Variants in ARPC4 observed in about 807,000 individuals in gnomAD.
ARPC4 encodes the protein actin related protein 2/3 complex subunit 4.
Under a neutral mutation model 22.8 loss-of-function variants are expected in ARPC4, and 3 were observed. That is an observed-to-expected ratio of 0.13 (90% CI 0.06 to 0.34). ARPC4 has a LOEUF of 0.34. Ranked by LOEUF, ARPC4 falls within the 10% of genes least tolerant of loss-of-function variation. ARPC4 has a pLI of 1.00. For synonymous variants in ARPC4, 80 were observed against 72.5 expected (o/e 1.10, Z -0.52); for missense variants, 98 against 211.0 (o/e 0.46, Z 3.32).
chr3:9,802,975 C>A lies in ARPC4; in HGVS notation c.331-868C>A, dbSNP rs1017639745. Among the ~76,000 whole-genome samples the A allele has an allele frequency of 6.6e-5, 10 of 151,940 alleles. No homozygotes were observed. In the East Asian group the frequency reaches 1.9e-3, roughly 29 times the overall value. ...CTGGGCTCACTGCAAGCTCCGCCTC[C>A]TGGGTTCACGCCATTCTTCTGCCTC... On this transcript the variant is annotated intron_variant, in intron 4 of 5. Coordinates refer to ENST00000397261, the MANE Select transcript of ARPC4 (RefSeq NM_005718.5).
Position 9,804,629 on chromosome 3 carries a change from T to C in ARPC4, c.501+616T>C, listed in dbSNP as rs9811062. Among the ~76,000 whole-genome samples, 904 of 152,308 alleles carry C rather than the reference T, an allele frequency of 5.9e-3. 10 individuals are homozygous for C. The highest frequency in any genetic ancestry group is 0.02 in the African/African-American group (845 of 41,556). ...GATATTCAGAACATGCCTTTTTTTTTCTCCTTTTTCCAAGCAATCTTTGGT... is the reference window on the plus strand; with the variant it reads ...GATATTCAGAACATGCCTTTTTTTTCCTCCTTTTTCCAAGCAATCTTTGGT... On this transcript the variant is annotated intron_variant, in intron 5 of 5. Coordinates refer to ENST00000397261, the MANE Select transcript of ARPC4 (RefSeq NM_005718.5).
chr3:9,792,640 G>C, upstream of ARPC4: 9 of 1,231,168 alleles, frequency 7.3e-6, no homozygotes, highest in Non-Finnish European at 9.1e-6. Flanking sequence ...CCCGGGGCGG[G>C]AGGCGGAGCT....
At chr3:9,796,394 CA>C (rs899346482) in intron 1 of ARPC4, among the ~76,000 whole-genome samples, 1 of 152,066 alleles carries the variant, frequency 6.6e-6, no homozygotes, top group African/African-American at 2.4e-5. Context: ...GACTCCCTCT[CA>C]AAAATAAATA....
chr3:9,798,120 CTTT>C (rs397964258), intron 2 of ARPC4: 25 of 115,770 alleles, frequency 2.2e-4, no homozygotes, highest in South Asian at 5.1e-4. Flanking sequence ...CCATACTTTT[CTTT>C]TTTTTTTTTT....
intron 2 of ARPC4, among the ~76,000 whole-genome samples, chr3:9,798,329 A>G (rs1307592314): frequency 6.6e-6 from 1 of 152,018 alleles, no homozygotes; most frequent in African/African-American, 2.4e-5. Flanking sequence ...CACCCCTGTA[A>G]TCCGAGCACT....
chr3:9,801,961 C>A (rs932231915), intron 4 of ARPC4, among the ~76,000 whole-genome samples: 6 of 152,056 alleles, frequency 3.9e-5, no homozygotes, highest in Non-Finnish European at 8.8e-5. Flanking sequence ...CAAAAAAGAG[C>A]CGGGCGTGGT....
chr3:9,797,701 T>C lies in ARPC4; in HGVS notation c.46T>C (p.Leu16=), dbSNP rs543555079. ...CTACCTGAGTGCCGTGCGGGCCACA[T>C]TGCAGGCTGCCCTCTGCCTGGAGAA... ...RPYLSAVRAT[L]QAALCLENFS... The change falls in exon 2 of 6, where the codon TTG becomes CTG. Residue 16 remains leucine, a synonymous_variant. Coordinates refer to ENST00000397261, the MANE Select transcript of ARPC4 (RefSeq NM_005718.5). The C allele has an allele frequency of 1.9e-6, 3 of 1,614,158 alleles. No individual in the cohort carries two copies. The highest frequency in any genetic ancestry group is 2.7e-5 in the African/African-American group (2 of 75,048).
chr3:9,800,387 T>C, intron 3 of ARPC4, 91 bp downstream of exon 3: 3 of 1,231,618 alleles, frequency 2.4e-6, no homozygotes, highest in Non-Finnish European at 3.5e-6. Context: ...GAGATCAGTG[T>C]GCCAGATTCC....
chr3:9,793,277 G>T, intron 1 of ARPC4, 153 bp downstream of exon 1: 1 of 1,373,184 alleles, frequency 7.3e-7, no homozygotes, highest in South Asian at 1.5e-5. Flanking sequence ...GAGACGGGGC[G>T]GGGGCCCGAG....
At chr3:9,804,582 T>G (rs2079071960) in intron 5 of ARPC4, among the ~76,000 whole-genome samples, 1 of 152,234 alleles carries the variant, frequency 6.6e-6, no homozygotes, top group South Asian at 2.1e-4. Flanking sequence ...GATGAACTGG[T>G]GACATCGTTC....
At chr3:9,792,944 A>T, upstream of ARPC4, 1 of 1,412,220 alleles carries the variant, frequency 7.1e-7, no homozygotes, top group East Asian at 2.8e-5. Context: ...AGACAGCCCT[A>T]GGTGGAAAAC....
At chr3:9,793,276 C>G in intron 1 of ARPC4, 152 bp downstream of exon 1, 6 of 1,285,788 alleles carry the variant, frequency 4.7e-6, no homozygotes, top group Non-Finnish European at 6.2e-6. Context: ...AGAGACGGGG[C>G]GGGGGCCCGA....
At position 9,797,763 on chromosome 3, in the gene ARPC4, G is replaced by A. The variant is rs772403299; in HGVS notation, c.108G>A (p.Pro36=). 38 of 1,613,812 alleles carry A rather than the reference G, an allele frequency of 2.4e-5. No individual in the cohort carries two copies. The highest frequency in any genetic ancestry group is 3.1e-5 in the Non-Finnish European group (36 of 1,179,992). The part of the protein sequence containing the change: ...SSQVVERHNK[P]EVEVRSSKEL... Reference sequence around the variant, plus strand: ...AGGTTGTGGAACGACACAACAAGCCGGAAGTGGAAGTCAGGTAGGGAAGGA... The same window carrying A: ...AGGTTGTGGAACGACACAACAAGCCAGAAGTGGAAGTCAGGTAGGGAAGGA... The change falls in exon 2 of 6, where the codon CCG becomes CCA. Residue 36 remains proline (P), a synonymous_variant. Coordinates refer to ENST00000397261, the MANE Select transcript of ARPC4 (RefSeq NM_005718.5).
intron 1 of ARPC4, among the ~76,000 whole-genome samples, chr3:9,794,848 TG>T (rs750655158): frequency 5.2e-4 from 79 of 152,290 alleles, no homozygotes; most frequent in Non-Finnish European, 9.3e-4. Flanking sequence ...CAGATTGTCA[TG>T]TAAATGGAAT....
At chr3:9,797,819 C>T (rs766093610) in intron 2 of ARPC4, 42 bp downstream of exon 2, 1 of 1,584,226 alleles carries the variant, frequency 6.3e-7, no homozygotes, top group East Asian at 2.2e-5. Context: ...GGGTGCAGCA[C>T]ACAGAGATGG....
At position 9,806,388 on chromosome 3, in the gene ARPC4, A is replaced by G; in HGVS notation, c.*173A>G. 1 of 751,996 alleles carries G rather than the reference A, an allele frequency of 1.3e-6. No individual in the cohort carries two copies. 46.6% of individuals were successfully genotyped at this position (751,996 alleles called of 1,614,324 possible). ...TAGCTGGGCAAGAAAGCAGCAGTGGACCTGCCCCAAGGCCACACGTGCCTG... is the reference window on the plus strand; with the variant it reads ...TAGCTGGGCAAGAAAGCAGCAGTGGGCCTGCCCCAAGGCCACACGTGCCTG... On this transcript the variant is annotated 3_prime_UTR_variant, in exon 6 of 6. Coordinates refer to ENST00000397261, the MANE Select transcript of ARPC4 (RefSeq NM_005718.5).
intron 1 of ARPC4, among the ~76,000 whole-genome samples, chr3:9,796,830 A>G (rs1305158027): frequency 4.6e-5 from 7 of 151,010 alleles, no homozygotes; most frequent in Non-Finnish European, 1.0e-4. Context: ...AGTCCCAGCT[A>G]CTTGGGAGGC....
chr3:9,793,470 C>T (rs2078802273), intron 1 of ARPC4, among the ~76,000 whole-genome samples: 1 of 152,200 alleles, frequency 6.6e-6, no homozygotes, highest in Non-Finnish European at 1.5e-5. Flanking sequence ...AGGCATGAAG[C>T]AAGTCCACCT....
intron 3 of ARPC4, among the ~76,000 whole-genome samples, chr3:9,800,684 C>T (rs542954980): frequency 2.6e-5 from 4 of 152,102 alleles, no homozygotes; most frequent in Non-Finnish European, 5.9e-5. Context: ...CTCAACCTCC[C>T]AAAGTACTGG....
Sources: allele counts gnomAD v4.1 joint callset (sites outside exome capture counted in the v4.1 genomes callset), GRCh38; gene constraint gnomAD v4.1.1; transcripts MANE v1.5; gene names NCBI Gene and HGNC (gene_info 2026-07-23, HGNC 2026-07-21).